Variants in SCFD2 observed in about 807,000 individuals in gnomAD.
SCFD2 encodes the protein sec1 family domain-containing protein 2.
A neutral mutation model predicts 58.9 loss-of-function variants in SCFD2; 54 were observed. That is an observed-to-expected ratio of 0.92 (90% CI 0.74 to 1.15). SCFD2 has a LOEUF of 1.15. Ranked by LOEUF, SCFD2 falls within the 50% of genes most tolerant of loss-of-function variation. The pLI is 0.00. For synonymous variants in SCFD2, 321 were observed against 335.9 expected (o/e 0.96, Z 0.49); for missense variants, 805 against 836.6 (o/e 0.96, Z 0.47).
At chr4:53,248,778 G>A (rs1730224374) in intron 4 of SCFD2, among the ~76,000 whole-genome samples, 1 of 152,090 alleles carries the variant, frequency 6.6e-6, no homozygotes, top group Admixed American at 6.5e-5. Flanking sequence ...CAAACAGAAA[G>A]GACACCCACA....
chr4:53,181,457 C>G lies in SCFD2; in HGVS notation c.1312-35875G>C, dbSNP rs962427555. On this transcript the variant is annotated intron_variant, in intron 4 of 8. Transcript: ENST00000401642. Reference sequence around the variant, plus strand: ...AAGGCCTTTGACAAAATTCAACAACCCTTCAGGCTAAAAACTCTCAATAAA... The same window carrying G: ...AAGGCCTTTGACAAAATTCAACAACGCTTCAGGCTAAAAACTCTCAATAAA... Among the ~76,000 whole-genome samples, 6 of 152,222 alleles carry G rather than the reference C, an allele frequency of 3.9e-5. No homozygotes were observed. The East Asian group carries it at 5.8e-4, about 15-fold the overall frequency.
At chr4:52,975,086 A>G (rs1024849154) in intron 5 of SCFD2, among the ~76,000 whole-genome samples, 33 of 152,152 alleles carry the variant, frequency 2.2e-4, no homozygotes, top group African/African-American at 7.7e-4. Context: ...AACCTAGGCA[A>G]TACCATTCAG....
chr4:52,934,788 T>C (rs1273372947), intron 5 of SCFD2, among the ~76,000 whole-genome samples: 1 of 152,236 alleles, frequency 6.6e-6, no homozygotes, highest in Non-Finnish European at 1.5e-5. Flanking sequence ...AGTGAAAAAC[T>C]GGAATTAAAT....
intron 5 of SCFD2, among the ~76,000 whole-genome samples, chr4:52,937,431 GCTGATA>G (rs1233049254): frequency 2.0e-5 from 3 of 152,152 alleles, no homozygotes; most frequent in Non-Finnish European, 4.4e-5. Flanking sequence ...TCCTTCTTAG[GCTGATA>G]AGTGGACTTA....
At chr4:53,046,508 C>T (rs575003691) in intron 5 of SCFD2, among the ~76,000 whole-genome samples, 2 of 152,022 alleles carry the variant, frequency 1.3e-5, no homozygotes, top group African/African-American at 4.8e-5. Flanking sequence ...AGCCACTGCG[C>T]CTGACCTATA....
At position 53,365,276 on chromosome 4, in the gene SCFD2, G is replaced by T; in HGVS notation, c.666C>A (p.Gly222=). 1 of 1,614,218 alleles carries T rather than the reference G, an allele frequency of 6.2e-7. No individual in the cohort carries two copies. Among genetic ancestry groups the T allele is most frequent in the Non-Finnish European group, 8.5e-7 (1 of 1,180,046 alleles). ...CTAAATGTTCACACAGAGAACTGAG[G>T]CCTGACACTAGGCATCTGATCTGCA... ...LLLQIRCLVS[G]LSSLCEHLGV... is the part of the protein sequence containing the mutation. Residue 222 remains glycine, a synonymous_variant, in exon 1 of 9, where the codon GGC becomes GGA. Transcript: ENST00000401642. The surrounding 1 kb of genome is among the most constrained non-coding windows in gnomAD (Gnocchi z 4.3).
At chr4:53,296,078 G>A (rs1732019473) in intron 3 of SCFD2, among the ~76,000 whole-genome samples, 1 of 152,098 alleles carries the variant, frequency 6.6e-6, no homozygotes, top group Non-Finnish European at 1.5e-5. Flanking sequence ...TGTTCATCAG[G>A]TATATTGGCT....
At chr4:53,298,032 G>A (rs937302760) in intron 3 of SCFD2, among the ~76,000 whole-genome samples, 15 of 152,128 alleles carry the variant, frequency 9.9e-5, no homozygotes, top group African/African-American at 2.2e-4. Flanking sequence ...CACAGAAGAC[G>A]GGTGATTTCT....
At chr4:53,016,144 C>A (rs534245976) in intron 5 of SCFD2, among the ~76,000 whole-genome samples, 3 of 152,288 alleles carry the variant, frequency 2.0e-5, no homozygotes, top group East Asian at 3.9e-4. Context: ...CCACCAACAA[C>A]AAATGATAAA....
intron 2 of SCFD2, among the ~76,000 whole-genome samples, chr4:53,349,528 C>G (rs868569610): frequency 1.3e-5 from 2 of 152,190 alleles, no homozygotes; most frequent in African/African-American, 4.8e-5. Context: ...TCTATTGAGT[C>G]TCTTGTCAGT....
chr4:52,934,949 T>C (rs1720098474), intron 5 of SCFD2, among the ~76,000 whole-genome samples: 3 of 152,226 alleles, frequency 2.0e-5, no homozygotes, highest in African/African-American at 7.2e-5. Flanking sequence ...AAATAGTCTA[T>C]ACCTGTGTGG....
At chr4:53,143,638 A>T (rs1270736191) in intron 5 of SCFD2, among the ~76,000 whole-genome samples, 1 of 152,220 alleles carries the variant, frequency 6.6e-6, no homozygotes, top group Non-Finnish European at 1.5e-5. Context: ...GTTCACATGC[A>T]TGAGAGACTA....
chr4:52,964,470 A>G (rs886956006), intron 5 of SCFD2, among the ~76,000 whole-genome samples: 5 of 152,148 alleles, frequency 3.3e-5, no homozygotes, highest in African/African-American at 1.2e-4. Flanking sequence ...TATTCCCAAA[A>G]CCAATGTCTT....
At chr4:53,030,238 T>G (rs1378400906) in intron 5 of SCFD2, among the ~76,000 whole-genome samples, 10 of 152,126 alleles carry the variant, frequency 6.6e-5, no homozygotes, top group Admixed American at 2.6e-4. Flanking sequence ...GTATCATTAG[T>G]CATTAGGGAA....
In SCFD2 at chr4:52,959,897, A is replaced by AACAC. The variant is rs10529140; in HGVS notation, c.1562-39031_1562-39028dup. Among the ~76,000 whole-genome samples the AACAC allele has an allele frequency of 7.3e-3, 1,009 of 138,200 alleles. 14 individuals carry two copies. Among genetic ancestry groups the AACAC allele is most frequent in the South Asian group, 0.061 (258 of 4,254 alleles). The allele number at this position is 138,200 out of a possible 152,430, so 90.7% of individuals were successfully genotyped here. ...GAGGAAGAGAGAGACTCCAAATTGAAACACACACACACACACACACACACA... is the reference window on the plus strand; with the variant it reads ...GAGGAAGAGAGAGACTCCAAATTGAAACACACACACACACACACACACACACACA... On this transcript the variant is annotated intron_variant, in intron 5 of 8. Coordinates refer to ENST00000401642, the MANE Select transcript of SCFD2 (RefSeq NM_152540.4).
At chr4:53,253,591 G>A (rs1343447705) in intron 4 of SCFD2, among the ~76,000 whole-genome samples, 7 of 151,870 alleles carry the variant, frequency 4.6e-5, no homozygotes, top group African/African-American at 1.7e-4. Flanking sequence ...CCTTTGTAGG[G>A]ACATGGATGA....
intron 5 of SCFD2, chr4:52,945,742 C>T (rs1008353646): frequency 1.3e-5 from 2 of 152,190 alleles, no homozygotes; most frequent in Non-Finnish European, 2.9e-5. Context: ...GACATACTTT[C>T]CAAGCCATGA....
rs551017778 is a variant in SCFD2 at position 53,281,140 on chromosome 4, C to T, written c.1136-7139G>A. On this transcript the variant is annotated intron_variant, in intron 3 of 8. Coordinates refer to ENST00000401642, the MANE Select transcript of SCFD2 (RefSeq NM_152540.4). The stretch of plus-strand genomic sequence containing the variant: ...ACTTCCTAACTAAACAACCTCAACT[C>T]GTCTTATACCTTCCAACAAGCTACT... Among the ~76,000 whole-genome samples the T allele has an allele frequency of 2.6e-5, 4 of 152,350 alleles. No individual in the cohort carries two copies. The South Asian group carries it at 6.2e-4, about 24-fold the overall frequency.
intron 4 of SCFD2, among the ~76,000 whole-genome samples, chr4:53,234,312 G>GAC (rs1729529157): frequency 1.3e-5 from 2 of 152,328 alleles, no homozygotes; most frequent in South Asian, 4.1e-4. Flanking sequence ...ATTTGGAAGT[G>GAC]ACACCTCTCT....
Sources: gnomAD v4.1 joint callset for allele counts (sites outside exome capture counted in the v4.1 genomes callset) on GRCh38, gnomAD v4.1.1 for gene constraint, Gnocchi (gnomAD v3.1) non-coding constraint, MANE v1.5 for transcripts, NCBI Gene and HGNC (gene_info 2026-07-23, HGNC 2026-07-21) for gene names.